The following HCN1 variants were observed in gnomAD, a reference collection of about 807,000 sequenced individuals.
The protein encoded by HCN1 is potassium/sodium hyperpolarization-activated cyclic nucleotide-gated channel 1.
A neutral mutation model predicts 78.9 loss-of-function variants in HCN1; 13 were observed. The ratio of observed to expected loss-of-function variants is 0.16; its 90% confidence interval spans 0.11 to 0.26. HCN1 has a LOEUF of 0.26. Ranked by LOEUF, HCN1 falls within the 10% of genes least tolerant of loss-of-function variation. The probability of loss-of-function intolerance (pLI) is 1.00; values close to 1 mark genes in which losing one functional copy is unlikely to be tolerated. For synonymous variants in HCN1, 552 were observed against 455.5 expected (o/e 1.21, Z -2.70); for missense variants, 810 against 1,154.3 (o/e 0.70, Z 4.32).
chr5:45,673,227 G>A (rs1420708762), intron 1 of HCN1, among the ~76,000 whole-genome samples: 1 of 151,460 alleles, frequency 6.6e-6, no homozygotes, highest in African/African-American at 2.4e-5. Flanking sequence ...GTATTGCAGA[G>A]GAATAGCACA....
At position 45,256,430 on chromosome 5, in the gene HCN1, A is replaced by C. The variant is rs1434721081; in HGVS notation, c.*5491T>G. Reference sequence around the variant, plus strand: ...GGGAGTAAATGGCCATTGATGTTACATTAGAAATATAATAGCTCCAAAGAA... The same window carrying C: ...GGGAGTAAATGGCCATTGATGTTACCTTAGAAATATAATAGCTCCAAAGAA... On this transcript the variant is annotated 3_prime_UTR_variant, in exon 8 of 8. Coordinates refer to ENST00000303230, the MANE Select transcript of HCN1 (RefSeq NM_021072.4). The C allele has an allele frequency of 6.6e-6, 1 of 151,910 alleles. No homozygotes were observed. Among genetic ancestry groups the C allele is most frequent in the Non-Finnish European group, 1.5e-5 (1 of 67,996 alleles). The allele number at this position is 151,910 out of a possible 1,614,324, so 9.4% of individuals were successfully genotyped here.
intron 3 of HCN1, among the ~76,000 whole-genome samples, chr5:45,458,329 G>T (rs1741066508): frequency 6.6e-6 from 1 of 151,948 alleles, no homozygotes; most frequent in African/African-American, 2.4e-5. Context: ...TAAACATAAA[G>T]AATTTGTTAG....
At chr5:45,395,691 A>G (rs188798817) in intron 4 of HCN1, among the ~76,000 whole-genome samples, 1 of 152,166 alleles carries the variant, frequency 6.6e-6, no homozygotes, top group East Asian at 1.9e-4. Flanking sequence ...AAGGTGCATG[A>G]CTCTGTCAGG....
At chr5:45,549,105 C>G (rs183705937) in intron 2 of HCN1, among the ~76,000 whole-genome samples, 1,533 of 152,086 alleles carry the variant, frequency 0.01, 15 homozygotes, top group Middle Eastern at 0.031. Context: ...CCATCCCCAT[C>G]AAGCTACCAA....
chr5:45,326,183 A>G (rs1746230324), intron 5 of HCN1, among the ~76,000 whole-genome samples: 1 of 151,636 alleles, frequency 6.6e-6, no homozygotes, highest in Admixed American at 6.6e-5. Flanking sequence ...CTGTACTAAA[A>G]CATCTCATGT....
At position 45,435,897 on chromosome 5, in the gene HCN1, G is replaced by T. The variant is rs539988587; in HGVS notation, c.1011+25949C>A. Among the ~76,000 whole-genome samples, 8 of 152,220 alleles carry T rather than the reference G, an allele frequency of 5.3e-5. No homozygotes were observed. The East Asian group carries it at 9.7e-4, about 18-fold the overall frequency. On this transcript the variant is annotated intron_variant, in intron 3 of 7. Coordinates refer to ENST00000303230, the MANE Select transcript of HCN1 (RefSeq NM_021072.4). The stretch of plus-strand genomic sequence containing the variant: ...TCAGGGGGAAAATCCTACAACAAAT[G>T]ATACATGAACAAGTGTCCAAGAGTG...
At position 45,339,057 on chromosome 5, in the gene HCN1, G is replaced by A. The variant is rs1401555863; in HGVS notation, c.1377+14043C>T. 2.6e-5 allele frequency among the ~76,000 whole-genome samples: 4 copies of A among 152,178 alleles called. No individual in the cohort carries two copies. The East Asian group carries it at 7.7e-4, about 29-fold the overall frequency. Reference sequence around the variant, plus strand: ...TTTTCACCTTTACAAGGTGTTAACTGGCTGAGCATTTCATGCTTCCACTTC... The same window carrying A: ...TTTTCACCTTTACAAGGTGTTAACTAGCTGAGCATTTCATGCTTCCACTTC... On this transcript the variant is annotated intron_variant, in intron 5 of 7. Coordinates refer to ENST00000303230, the MANE Select transcript of HCN1 (RefSeq NM_021072.4).
chr5:45,445,238 G>A lies in HCN1; in HGVS notation c.1011+16608C>T, dbSNP rs62369066. Among the ~76,000 whole-genome samples, 1,417 of 152,290 alleles carry A rather than the reference G, an allele frequency of 9.3e-3. 11 individuals are homozygous for A. The highest frequency in any genetic ancestry group is 0.015 in the Non-Finnish European group (1,022 of 68,020). ...ACGGCGCACCAGGAGATTATATCCC[G>A]CACCTGGCTCGGAGGGTCCTACGCC... On this transcript the variant is annotated intron_variant, in intron 3 of 7. Transcript: ENST00000303230.
At chr5:45,600,878 A>G (rs957267443) in intron 2 of HCN1, among the ~76,000 whole-genome samples, 1 of 152,134 alleles carries the variant, frequency 6.6e-6, no homozygotes, top group Non-Finnish European at 1.5e-5. Context: ...GGTTTTGCAG[A>G]AAGGCTAAAC....
intron 5 of HCN1, among the ~76,000 whole-genome samples, chr5:45,323,597 A>C (rs1288059787): frequency 6.6e-6 from 1 of 151,744 alleles, no homozygotes; most frequent in African/African-American, 2.4e-5. Flanking sequence ...TAAGTTTTAC[A>C]GTACATATGC....
chr5:45,536,162 T>C (rs916807002), intron 2 of HCN1, among the ~76,000 whole-genome samples: 5 of 152,218 alleles, frequency 3.3e-5, no homozygotes, highest in Non-Finnish European at 7.3e-5. Context: ...GATGTGTCTA[T>C]ATATGGTTTG....
At chr5:45,477,222 A>G (rs1408294927) in intron 2 of HCN1, among the ~76,000 whole-genome samples, 2 of 152,154 alleles carry the variant, frequency 1.3e-5, no homozygotes, top group Non-Finnish European at 2.9e-5. Flanking sequence ...TTCAACCAAA[A>G]AAAAAATAGA....
rs756511512 is a variant in HCN1 at position 45,261,877 on chromosome 5, C to T, written c.*44G>A. 1 of 1,611,106 alleles carries T rather than the reference C, an allele frequency of 6.2e-7. No individual in the cohort carries two copies. The highest frequency in any genetic ancestry group is 8.5e-7 in the Non-Finnish European group (1 of 1,178,110). On this transcript the variant is annotated 3_prime_UTR_variant, in exon 8 of 8. Transcript: ENST00000303230. Reference sequence around the variant, plus strand: ...ATAAAATAAGATCTGAGTATAGTCTCAGTTTATGAGAGTATTTCTTTCTGC... The same window carrying T: ...ATAAAATAAGATCTGAGTATAGTCTTAGTTTATGAGAGTATTTCTTTCTGC...
rs148350132 is a variant in HCN1 at position 45,649,507 on chromosome 5, A to G, written c.426-3899T>C. On this transcript the variant is annotated intron_variant, in intron 1 of 7. Transcript: ENST00000303230. ...TGGGCAAATACATAGAGACATGTAT[A>G]TACACCAGTAGTTTCACTGCCCTAA... is the stretch of plus-strand genomic sequence containing the variant. Among the ~76,000 whole-genome samples, 738 of 152,148 alleles carry G rather than the reference A, an allele frequency of 4.9e-3. 3 individuals carry two copies. The highest frequency in any genetic ancestry group is 0.017 in the African/African-American group (706 of 41,548).
chr5:45,540,833 A>T (rs1268079413), intron 2 of HCN1, among the ~76,000 whole-genome samples: 1 of 152,186 alleles, frequency 6.6e-6, no homozygotes, highest in African/African-American at 2.4e-5. Context: ...CCTTGATGAA[A>T]ATAAGTCACT....
chr5:45,680,563 G>C lies in HCN1; in HGVS notation c.425+15106C>G, dbSNP rs1005444309. Among the ~76,000 whole-genome samples the C allele has an allele frequency of 7.9e-5, 12 of 152,084 alleles. 2 individuals carry two copies. The highest frequency in any genetic ancestry group is 6.6e-4 in the Admixed American group (10 of 15,230). On this transcript the variant is annotated intron_variant, in intron 1 of 7. Transcript: ENST00000303230. The stretch of plus-strand genomic sequence containing the variant: ...TCTGATCCTTCTGAGACTATGTCTG[G>C]GATATTTTCCCTGCATAAAGTTGCA...
At chr5:45,363,001 C>T (rs1380461942) in intron 4 of HCN1, among the ~76,000 whole-genome samples, 1 of 150,720 alleles carries the variant, frequency 6.6e-6, no homozygotes, top group Non-Finnish European at 1.5e-5. Flanking sequence ...TAATAATACT[C>T]TTGCATTTCC....
intron 2 of HCN1, among the ~76,000 whole-genome samples, chr5:45,538,081 G>T (rs1229068335): frequency 1.3e-5 from 2 of 151,548 alleles, no homozygotes; most frequent in African/African-American, 2.4e-5. Context: ...TAAGAAAGGG[G>T]TGCAAAATCA....
chr5:45,341,472 A>G (rs1300534386), intron 5 of HCN1, among the ~76,000 whole-genome samples: 1 of 152,212 alleles, frequency 6.6e-6, no homozygotes, highest in Non-Finnish European at 1.5e-5. Context: ...TGTGATAAAT[A>G]TCCTGAAGCA....
Sources: gnomAD v4.1 joint callset for allele counts (sites outside exome capture counted in the v4.1 genomes callset) on GRCh38, gnomAD v4.1.1 for gene constraint, MANE v1.5 for transcripts, NCBI Gene and HGNC (gene_info 2026-07-23, HGNC 2026-07-21) for gene names.